Variants in PCDH10 observed in about 807,000 individuals in gnomAD.
The protein encoded by PCDH10 is protocadherin-10.
A neutral mutation model predicts 74.4 loss-of-function variants in PCDH10; 15 were observed. That is an observed-to-expected ratio of 0.20 (90% CI 0.13 to 0.31). PCDH10 has a LOEUF of 0.31. Among genes scored for constraint, PCDH10 ranks in the 10% least tolerant of loss-of-function variants. The pLI is 1.00. For missense variants in PCDH10, 1,260 were observed against 1,390.2 expected (o/e 0.91, Z 1.49); for synonymous variants, 619 against 589.8 (o/e 1.05, Z -0.72).
chr4:133,208,136 C>G (rs887431050), exon 3 of PCDH10: 1 of 152,172 alleles, frequency 6.6e-6, no homozygotes, highest in Non-Finnish European at 1.5e-5. Context: ...GGGCTGTCAA[C>G]AACCACATGA....
chr4:133,195,631 TAC>T (rs1226078214), downstream of PCDH10, among the ~76,000 whole-genome samples: 3 of 152,074 alleles, frequency 2.0e-5, no homozygotes, highest in Non-Finnish European at 4.4e-5. Flanking sequence ...TTAGGAAAAT[TAC>T]AGTTTCCAGG....
rs879923680 is a variant in PCDH10 at position 133,191,787 on chromosome 4, C to G, written c.*1627C>G. 1 of 151,524 alleles carries G rather than the reference C, an allele frequency of 6.6e-6. No individual in the cohort carries two copies. Among genetic ancestry groups the G allele is most frequent in the Non-Finnish European group, 1.5e-5 (1 of 67,674 alleles). The allele number at this position is 151,524 out of a possible 1,614,324, so 9.4% of individuals were successfully genotyped here. ...ATGTTTGCCCAGTTCAAATTAGAAA[C>G]CTGTTTTGAAATACTTTCCTTAATT... is the stretch of plus-strand genomic sequence containing the variant. On this transcript the variant is annotated 3_prime_UTR_variant, in exon 5 of 5. Transcript: ENST00000264360.
chr4:133,189,843 G>T (rs1727621534), intron 4 of PCDH10, among the ~76,000 whole-genome samples: 1 of 152,106 alleles, frequency 6.6e-6, no homozygotes, highest in South Asian at 2.1e-4. Context: ...GTGAAGTGTA[G>T]GGATTGTTTT....
intron 3 of PCDH10, 134 bp from the exon 4 acceptor site, chr4:133,162,843 G>T (rs1181534847): frequency 6.2e-6 from 4 of 645,840 alleles, no homozygotes; most frequent in Non-Finnish European, 1.1e-5. Context: ...TTTGGTTCCT[G>T]TCAGGATAAG....
At chr4:133,184,789 T>C (rs1361504625) in intron 4 of PCDH10, among the ~76,000 whole-genome samples, 3 of 138,858 alleles carry the variant, frequency 2.2e-5, no homozygotes, top group Non-Finnish European at 4.6e-5. Context: ...TATATAAATA[T>C]ATATATTTAT....
intron 2 of PCDH10, among the ~76,000 whole-genome samples, chr4:133,201,619 G>A (rs1179796843): frequency 6.6e-6 from 1 of 152,070 alleles, no homozygotes; most frequent in East Asian, 1.9e-4. Context: ...CACTTTGGGA[G>A]GCCAAGGTGG....
In PCDH10 at chr4:133,152,470, C is replaced by T. The variant is rs750744037; in HGVS notation, c.2330C>T (p.Ala777Val). ...ACCTGCTGTGGCCGCCAAGCCCGGGCGCGCAAGAAGAAACTCAGCAAGTCA... is the reference window on the plus strand; with the variant it reads ...ACCTGCTGTGGCCGCCAAGCCCGGGTGCGCAAGAAGAAACTCAGCAAGTCA... ...GSTCCGRQARARKKKLSKSDI... is the reference protein window; with the variant it reads ...GSTCCGRQARVRKKKLSKSDI... Residue 777 changes from alanine to valine, a missense_variant, in exon 1 of 5, where the codon GCG (alanine) becomes GTG (valine). Ala to Val is a moderately conservative substitution (Grantham distance 64). Around this residue, in one of 11 missense-constraint regions of PCDH10, gnomAD observed 587 missense variants for 616.9 expected, o/e 0.95. Transcript: ENST00000264360. The T allele has an allele frequency of 6.2e-7, 1 of 1,614,102 alleles. No individual in the cohort carries two copies. The highest frequency in any genetic ancestry group is 1.3e-5 in the African/African-American group (1 of 75,054).
chr4:133,161,200 C>T (rs1217402609), intron 3 of PCDH10, among the ~76,000 whole-genome samples: 3 of 152,046 alleles, frequency 2.0e-5, no homozygotes, highest in African/African-American at 7.2e-5. Flanking sequence ...AATTTATTTC[C>T]AGACTTAAAC....
At chr4:133,201,633 G>A (rs1291524734) in intron 2 of PCDH10, among the ~76,000 whole-genome samples, 1 of 152,054 alleles carries the variant, frequency 6.6e-6, no homozygotes, top group Non-Finnish European at 1.5e-5. Context: ...AAGGTGGGCA[G>A]ATCAACTGAG....
In PCDH10 at chr4:133,151,041, T is replaced by C. The variant is rs1447729386; in HGVS notation, c.901T>C (p.Phe301Leu). The change falls in exon 1 of 5, where the codon TTC becomes CTC. Residue 301 changes from phenylalanine (F) to leucine (L), a missense_variant. Physicochemically the swap from Phe to Leu is conservative, Grantham distance 22. This residue lies in a region of PCDH10 where 192 missense variants were observed against 161.2 expected (regional missense o/e 1.19). Transcript: ENST00000264360. ...CATTTCGCCCCGGGCGCGGGAGCTT[T>C]TCGGACTCTCGCCGCGCACTGGCAG... ...SHISPRARELFGLSPRTGRLE... is the reference protein window; with the variant it reads ...SHISPRARELLGLSPRTGRLE... The C allele has an allele frequency of 6.2e-7, 1 of 1,613,914 alleles. No homozygotes were observed. The highest frequency in any genetic ancestry group is 1.1e-5 in the South Asian group (1 of 91,084).
In PCDH10 at chr4:133,207,338, C is replaced by T. The variant is rs529035029; in HGVS notation, n.438-738C>T. Among the ~76,000 whole-genome samples, 27 of 152,244 alleles carry T rather than the reference C, an allele frequency of 1.8e-4. 1 individual carries two copies. The highest frequency in any genetic ancestry group is 3.4e-3 in the Middle Eastern group (1 of 294). ...TGTCCAAATAGTATCAGGCAACTAG[C>T]AAGCTTCAATACTTGAGGTCAATTT... On this transcript the variant is annotated intron_variant and non_coding_transcript_variant, in intron 2 of 2. Coordinates refer to the PCDH10 transcript ENST00000511112.
chr4:133,204,979 C>A (rs1437579621), intron 2 of PCDH10, among the ~76,000 whole-genome samples: 3 of 152,128 alleles, frequency 2.0e-5, no homozygotes, highest in African/African-American at 7.2e-5. Context: ...AGAAGTGCAC[C>A]CTGGTTCCAA....
At position 133,152,160 on chromosome 4, in the gene PCDH10, C is replaced by G; in HGVS notation, c.2020C>G (p.Leu674Val). The G allele has an allele frequency of 6.4e-7, 1 of 1,568,708 alleles. No homozygotes were observed. The highest frequency in any genetic ancestry group is 2.2e-5 in the East Asian group (1 of 44,508). ...GQPPLSSTAT[L>V]VVQLVDGAVE... ...GCCGCCCCTTTCCTCCACCGCCACC[C>G]TGGTGGTTCAGCTGGTGGATGGCGC... is the stretch of plus-strand genomic sequence containing the variant. The change falls in exon 1 of 5, where the codon CTG becomes GTG. Residue 674 changes from leucine to valine, a missense_variant. Around this residue, in one of 11 missense-constraint regions of PCDH10, gnomAD observed 587 missense variants for 616.9 expected, o/e 0.95. Transcript: ENST00000264360.
At chr4:133,199,289 AAATAATAATAATAATAAT>A (rs70957501), downstream of PCDH10, among the ~76,000 whole-genome samples, 1 of 136,682 alleles carries the variant, frequency 7.3e-6, no homozygotes, top group African/African-American at 2.8e-5. Flanking sequence ...CCCTGTCTCA[AAATAATAATAATAATAAT>A]AATAATAATA....
At chr4:133,161,699 T>C (rs1192344856) in intron 3 of PCDH10, among the ~76,000 whole-genome samples, 1 of 151,810 alleles carries the variant, frequency 6.6e-6, no homozygotes, top group Non-Finnish European at 1.5e-5. Context: ...GTTTTTCAAA[T>C]TGATCCTCTT....
chr4:133,172,263 C>T (rs1727218158), intron 4 of PCDH10, among the ~76,000 whole-genome samples: 1 of 151,826 alleles, frequency 6.6e-6, no homozygotes, highest in African/African-American at 2.4e-5. Context: ...TTGACATAAC[C>T]ACAAGAGCAA....
chr4:133,181,167 CT>C (rs1435953906), intron 4 of PCDH10, among the ~76,000 whole-genome samples: 1 of 151,410 alleles, frequency 6.6e-6, no homozygotes, highest in African/African-American at 2.4e-5. Context: ...AAAAATTTTA[CT>C]CAAAAAAACA....
chr4:133,163,416 C>A, intron 4 of PCDH10, 134 bp downstream of exon 4: 1 of 674,832 alleles, frequency 1.5e-6, no homozygotes. Context: ...ATGCTGGCAG[C>A]ACTTTAGGGC....
intron 4 of PCDH10, among the ~76,000 whole-genome samples, chr4:133,186,222 A>G (rs1444323178): frequency 2.6e-5 from 4 of 152,132 alleles, no homozygotes; most frequent in Non-Finnish European, 5.9e-5. Flanking sequence ...TCCATTAAGG[A>G]TACATTTTCA....
Sources: allele counts gnomAD v4.1 joint callset (sites outside exome capture counted in the v4.1 genomes callset), GRCh38; gene constraint gnomAD v4.1.1; regional missense constraint gnomAD v4.1.1; transcripts MANE v1.5; gene names NCBI Gene and HGNC (gene_info 2026-07-23, HGNC 2026-07-21).